The following AFTPH variants were observed in gnomAD, a reference collection of about 807,000 sequenced individuals.
AFTPH encodes aftiphilin.
Under a neutral mutation model 72.5 loss-of-function variants are expected in AFTPH, and 7 were observed. The observed-to-expected ratio is 0.10, with a 90% CI of 0.05 to 0.18. The LOEUF (loss-of-function observed/expected upper bound fraction) is 0.18. Among genes scored for constraint, AFTPH ranks in the 10% least tolerant of loss-of-function variants. The pLI, the probability that AFTPH is intolerant of heterozygous loss-of-function variation, is 1.00. For synonymous variants in AFTPH, 337 were observed against 370.1 expected (o/e 0.91, Z 1.03); for missense variants, 979 against 1,060.5 (o/e 0.92, Z 1.07).
intron 5 of AFTPH, 98 bp downstream of exon 5, chr2:64,569,777 AT>A: frequency 8.8e-7 from 1 of 1,135,666 alleles, no homozygotes; most frequent in South Asian, 1.3e-5. Flanking sequence ...TATAAGAGAC[AT>A]TTAGTGTTGG....
intron 1 of AFTPH, among the ~76,000 whole-genome samples, chr2:64,540,703 CAA>C (rs1249743255): frequency 6.6e-6 from 1 of 151,992 alleles, no homozygotes; most frequent in African/African-American, 2.4e-5. Context: ...ACTAGAAAGA[CAA>C]AATTTTTTGT....
intron 2 of AFTPH, among the ~76,000 whole-genome samples, chr2:64,567,016 G>T (rs561533972): frequency 1.4e-4 from 22 of 152,222 alleles, no homozygotes; most frequent in African/African-American, 5.1e-4. Flanking sequence ...TGTACTGTTA[G>T]CAGCAAAGAT....
intron 1 of AFTPH, among the ~76,000 whole-genome samples, chr2:64,530,431 A>G (rs1669562124): frequency 6.6e-6 from 1 of 152,202 alleles, no homozygotes; most frequent in African/African-American, 2.4e-5. Flanking sequence ...TATTAAAATT[A>G]TGAAAAAATA....
intron 7 of AFTPH, chr2:64,580,031 C>CAAATAGAAAATA (rs1307985431): frequency 6.5e-6 from 1 of 152,752 alleles, no homozygotes; most frequent in Non-Finnish European, 1.5e-5. Context: ...CACCTATATG[C>CAAATAGAAAATA]AAATAGAAAA....
intron 2 of AFTPH, among the ~76,000 whole-genome samples, chr2:64,566,948 G>A (rs1023733876): frequency 5.3e-5 from 8 of 152,150 alleles, no homozygotes; most frequent in Non-Finnish European, 1.0e-4. Flanking sequence ...CCAAAATGAT[G>A]AATGAGCTTT....
At chr2:64,572,170 A>T (rs1672475088) in intron 5 of AFTPH, among the ~76,000 whole-genome samples, 1 of 151,248 alleles carries the variant, frequency 6.6e-6, no homozygotes, top group Non-Finnish European at 1.5e-5. Flanking sequence ...CAGTGAGCTG[A>T]GATCACACCA....
chr2:64,545,570 TAAAAAAAAAAAAAAAAAAAAAAAAAA>T (rs58124855), intron 1 of AFTPH, among the ~76,000 whole-genome samples: 42 of 24,172 alleles, frequency 1.7e-3, no homozygotes, highest in Non-Finnish European at 3.6e-3. Context: ...CCACCAGCAG[TAAAAAAAAAAAAAAAAAAAAAAAAAA>T]AAAAAAAAAA....
At chr2:64,586,049 A>G (rs1673482833) in intron 8 of AFTPH, among the ~76,000 whole-genome samples, 1 of 152,210 alleles carries the variant, frequency 6.6e-6, no homozygotes, top group Non-Finnish European at 1.5e-5. Flanking sequence ...CTTCAGAGGC[A>G]TGGCCTATTG....
At chr2:64,546,423 T>C (rs544826454) in intron 1 of AFTPH, among the ~76,000 whole-genome samples, 1 of 152,322 alleles carries the variant, frequency 6.6e-6, no homozygotes, top group African/African-American at 2.4e-5. Flanking sequence ...TTGTCTAATA[T>C]ATGCCAAAGT....
intron 5 of AFTPH, among the ~76,000 whole-genome samples, chr2:64,571,765 A>G (rs1208234676): frequency 1.3e-5 from 2 of 152,190 alleles, no homozygotes; most frequent in Non-Finnish European, 2.9e-5. Flanking sequence ...AAAACATTCA[A>G]AAGCTTTTCA....
intron 8 of AFTPH, among the ~76,000 whole-genome samples, chr2:64,587,621 G>A (rs3770726): frequency 0.015 from 2,227 of 152,344 alleles, 57 homozygotes; most frequent in East Asian, 0.062. Flanking sequence ...TATAGGGTAA[G>A]AAGGAGTTAA....
intron 1 of AFTPH, among the ~76,000 whole-genome samples, chr2:64,529,180 A>G (rs761265060): frequency 6.6e-6 from 1 of 152,186 alleles, no homozygotes; most frequent in Non-Finnish European, 1.5e-5. Context: ...TGTACCCTTC[A>G]TATATCCTGT....
chr2:64,539,161 C>T (rs1049572550), intron 1 of AFTPH, among the ~76,000 whole-genome samples: 1 of 152,078 alleles, frequency 6.6e-6, no homozygotes, highest in Admixed American at 6.5e-5. Flanking sequence ...CAGCTGATTG[C>T]AAAATCTTCT....
chr2:64,587,927 G>T (rs755511254), intron 8 of AFTPH, among the ~76,000 whole-genome samples: 2 of 151,862 alleles, frequency 1.3e-5, no homozygotes, highest in Non-Finnish European at 2.9e-5. Flanking sequence ...GTTTATGCAG[G>T]TCAAAGAAAT....
At chr2:64,549,477 C>G (rs868024700) in intron 1 of AFTPH, among the ~76,000 whole-genome samples, 10 of 148,558 alleles carry the variant, frequency 6.7e-5, no homozygotes, top group African/African-American at 2.4e-4. Flanking sequence ...TGCACCACCA[C>G]GCCCGGCTAA....
At chr2:64,563,068 C>G (rs1260584592) in intron 2 of AFTPH, among the ~76,000 whole-genome samples, 1 of 152,188 alleles carries the variant, frequency 6.6e-6, no homozygotes, top group African/African-American at 2.4e-5. Context: ...GTGCCCCCAC[C>G]TAATCAAAAC....
intron 6 of AFTPH, 52 bp from the exon 7 acceptor site, chr2:64,579,434 C>G: frequency 5.6e-6 from 8 of 1,417,208 alleles, no homozygotes; most frequent in Non-Finnish European, 2.9e-6. Context: ...GGATTCTTTA[C>G]GTTGCTACAA....
At chr2:64,576,074 TACACACACACACACACACAC>T (rs55774717) in intron 6 of AFTPH, among the ~76,000 whole-genome samples, 5,347 of 127,700 alleles carry the variant, frequency 0.042, 342 homozygotes, top group East Asian at 0.13. Flanking sequence ...TTTGGCATGC[TACACACACACACACACACAC>T]ACACACACAC....
Position 64,588,682 on chromosome 2 carries a change from C to T in AFTPH, c.2579+3137C>T, listed in dbSNP as rs536570500. 2.0e-5 allele frequency among the ~76,000 whole-genome samples: 3 copies of T among 152,184 alleles called. No homozygotes were observed. In the South Asian group the frequency reaches 6.2e-4, roughly 31 times the overall value. On this transcript the variant is annotated intron_variant, in intron 8 of 8. Coordinates refer to ENST00000238856, the Ensembl canonical transcript of AFTPH. ...CCTGATAGCTAATCATGTTGAGCAT[C>T]TTTTCATGTGTTTATCGACTATTTG... is the stretch of plus-strand genomic sequence containing the variant.
Sources: allele counts gnomAD v4.1 joint callset (sites outside exome capture counted in the v4.1 genomes callset), GRCh38; gene constraint gnomAD v4.1.1; transcripts MANE v1.5; gene names NCBI Gene and HGNC (gene_info 2026-07-23, HGNC 2026-07-21).